The following SLC20A2 variants were observed in gnomAD, a reference collection of about 807,000 sequenced individuals.
SLC20A2 encodes the protein solute carrier family 20 member 2.
Under a neutral mutation model 61.0 loss-of-function variants are expected in SLC20A2, and 30 were observed. The ratio of observed to expected loss-of-function variants is 0.49; its 90% CI spans 0.37 to 0.67. The LOEUF (loss-of-function observed/expected upper bound fraction) is 0.67. Ranked by LOEUF, SLC20A2 falls within the 30% of genes least tolerant of loss-of-function variation. The pLI is 0.00. For missense variants in SLC20A2, 626 were observed against 866.4 expected (o/e 0.72, Z 3.48); for synonymous variants, 351 against 353.3 (o/e 0.99, Z 0.07).
intron 1 of SLC20A2, among the ~76,000 whole-genome samples, chr8:42,517,600 A>T (rs573573302): frequency 6.6e-6 from 1 of 152,188 alleles, no homozygotes; most frequent in African/African-American, 2.4e-5. Flanking sequence ...TGGTTCATGG[A>T]CCTCCATGAA....
At chr8:42,436,450 C>A (rs1368416447) in intron 8 of SLC20A2, among the ~76,000 whole-genome samples, 2 of 152,186 alleles carry the variant, frequency 1.3e-5, no homozygotes, top group Admixed American at 1.3e-4. Flanking sequence ...CTCTCACATC[C>A]GCATCCAGGC....
At chr8:42,481,245 C>T (rs1184534328) in intron 1 of SLC20A2, among the ~76,000 whole-genome samples, 2 of 152,176 alleles carry the variant, frequency 1.3e-5, no homozygotes, top group Admixed American at 6.5e-5. Context: ...TAGCAGTAAT[C>T]GAGTCCAATT....
chr8:42,532,788 G>A (rs1162088834), intron 1 of SLC20A2, among the ~76,000 whole-genome samples: 2 of 152,186 alleles, frequency 1.3e-5, no homozygotes, highest in Non-Finnish European at 2.9e-5. Context: ...GAACAAAGCA[G>A]GACTGACCGG....
intron 1 of SLC20A2, among the ~76,000 whole-genome samples, chr8:42,518,365 T>C (rs1811447195): frequency 6.6e-6 from 1 of 151,886 alleles, no homozygotes; most frequent in African/African-American, 2.4e-5. Context: ...TCATAATGGC[T>C]ATCAAATTTT....
chr8:42,535,543 A>G (rs1248465189), intron 1 of SLC20A2, among the ~76,000 whole-genome samples: 1 of 152,210 alleles, frequency 6.6e-6, no homozygotes, highest in Admixed American at 6.5e-5. Flanking sequence ...AACCGCAAAT[A>G]ATTGAAAAGC....
In SLC20A2 at chr8:42,472,267, C is replaced by G; in HGVS notation, c.124G>C (p.Val42Leu). 1 of 1,614,226 alleles carries G rather than the reference C, an allele frequency of 6.2e-7. No individual in the cohort carries two copies. The highest frequency in any genetic ancestry group is 8.5e-7 in the Non-Finnish European group (1 of 1,180,044). ...SFGTAVGSGV[V>L]TLRQACILAS... ...AAAATGCATGCCTGCCTCAAGGTCA[C>G]CACACCAGAGCCCACGGCTGTACCA... The change falls in exon 2 of 11, where the codon GTG becomes CTG. Residue 42 changes from valine (V) to leucine (L), a missense_variant. Around this residue, in one of 3 missense-constraint regions of SLC20A2, gnomAD observed 127 missense variants for 215.4 expected, o/e 0.59. Transcript: ENST00000520262. The surrounding 1 kb of genome is among the most constrained non-coding windows in gnomAD (Gnocchi z 4.1).
At chr8:42,465,388 G>T (rs1213625546) in intron 3 of SLC20A2, among the ~76,000 whole-genome samples, 1 of 151,458 alleles carries the variant, frequency 6.6e-6, no homozygotes, top group Non-Finnish European at 1.5e-5. Flanking sequence ...AACATTTGAA[G>T]AAAAAGATAT....
At chr8:42,425,856 C>T (rs1803374603) in intron 10 of SLC20A2, among the ~76,000 whole-genome samples, 2 of 152,016 alleles carry the variant, frequency 1.3e-5, no homozygotes, top group South Asian at 4.2e-4. Context: ...TCCTGGCTAA[C>T]ACGGTGAAAC....
At chr8:42,474,119 C>G (rs1807867566) in intron 1 of SLC20A2, among the ~76,000 whole-genome samples, 1 of 151,960 alleles carries the variant, frequency 6.6e-6, no homozygotes, top group Non-Finnish European at 1.5e-5. Context: ...TGCAGTGAGC[C>G]AAGATCATGC....
intron 1 of SLC20A2, among the ~76,000 whole-genome samples, chr8:42,491,678 A>T (rs575909317): frequency 1.3e-5 from 2 of 152,172 alleles, no homozygotes; most frequent in East Asian, 3.9e-4. Flanking sequence ...CTCAAAAAAA[A>T]AAAAGTCACT....
chr8:42,418,046 AG>A, intron 10 of SLC20A2, 79 bp from the exon 11 acceptor site: 1 of 1,188,334 alleles, frequency 8.4e-7, no homozygotes, highest in Middle Eastern at 2.8e-4. Flanking sequence ...GGCTAATCTC[AG>A]AAACAAGCTC....
At chr8:42,483,124 T>C (rs2131280746) in intron 1 of SLC20A2, among the ~76,000 whole-genome samples, 1 of 152,222 alleles carries the variant, frequency 6.6e-6, no homozygotes, top group African/African-American at 2.4e-5. Flanking sequence ...GCTGGGTGGA[T>C]CACTTGAGGT....
chr8:42,436,425 G>A (rs1250669816), intron 8 of SLC20A2, among the ~76,000 whole-genome samples: 1 of 152,184 alleles, frequency 6.6e-6, no homozygotes, highest in Non-Finnish European at 1.5e-5. Context: ...CTTGGCAGCT[G>A]CCTCTTTCCT....
chr8:42,465,727 C>T, intron 3 of SLC20A2, 50 bp downstream of exon 3: 2 of 1,510,772 alleles, frequency 1.3e-6, no homozygotes, highest in Non-Finnish European at 1.8e-6. Context: ...AAAACTTACT[C>T]TAGAAAATGT....
chr8:42,502,257 A>G (rs939716985), upstream of SLC20A2: 1 of 151,864 alleles, frequency 6.6e-6, no homozygotes, highest in Admixed American at 6.6e-5. Flanking sequence ...TGAGACCTTT[A>G]TAACATCTTC....
intron 1 of SLC20A2, among the ~76,000 whole-genome samples, chr8:42,537,370 CAAAA>C (rs34392956): frequency 5.8e-5 from 5 of 86,144 alleles, no homozygotes; most frequent in Admixed American, 1.3e-4. Context: ...GACCCTGTCT[CAAAA>C]AAAAAAAAAA....
At chr8:42,528,344 C>G (rs991241743) in intron 1 of SLC20A2, among the ~76,000 whole-genome samples, 1 of 151,964 alleles carries the variant, frequency 6.6e-6, no homozygotes, top group African/African-American at 2.4e-5. Context: ...CACCTTTAGT[C>G]CCAGCTACGC....
chr8:42,532,246 G>T (rs1028819109), intron 1 of SLC20A2, among the ~76,000 whole-genome samples: 3 of 151,978 alleles, frequency 2.0e-5, no homozygotes, highest in African/African-American at 4.8e-5. Flanking sequence ...TTCTTTTCAG[G>T]GACCGTTTAT....
intron 5 of SLC20A2, among the ~76,000 whole-genome samples, chr8:42,458,022 T>C (rs556477575): frequency 5.3e-5 from 8 of 152,172 alleles, no homozygotes; most frequent in Non-Finnish European, 1.2e-4. Context: ...ATAGGACATG[T>C]CATTTAGCAG....
Sources: allele counts gnomAD v4.1 joint callset (sites outside exome capture counted in the v4.1 genomes callset), GRCh38; gene constraint gnomAD v4.1.1; regional missense constraint gnomAD v4.1.1; non-coding constraint Gnocchi (gnomAD v3.1); transcripts MANE v1.5; gene names NCBI Gene and HGNC (gene_info 2026-07-23, HGNC 2026-07-21).